Variants in DIAPH2 observed in about 807,000 individuals in gnomAD.
The protein encoded by DIAPH2 is protein diaphanous homolog 2.
A neutral mutation model predicts 92.7 loss-of-function variants in DIAPH2; 35 were observed. The observed-to-expected ratio is 0.38, with a 90% confidence interval of 0.29 to 0.50. The LOEUF is 0.50. Ranked by LOEUF, DIAPH2 falls within the 20% of genes least tolerant of loss-of-function variation. DIAPH2 has a pLI of 0.94. For missense variants in DIAPH2, 701 were observed against 819.5 expected (o/e 0.86, Z 1.77); for synonymous variants, 301 against 280.4 (o/e 1.07, Z -0.73).
At chrX:97,383,813 T>G in intron 24 of DIAPH2, 96 bp from the exon 25 acceptor site, 3 of 769,436 alleles carry the variant, frequency 3.9e-6, no homozygotes, top group Non-Finnish European at 5.3e-6. Context: ...TTTGTTTATA[T>G]GTATAGGAAG....
chrX:97,318,241 C>T (rs886670108), intron 23 of DIAPH2, among the ~76,000 whole-genome samples: 7 of 110,312 alleles, frequency 6.3e-5, no homozygotes, highest in Middle Eastern at 4.7e-3. Flanking sequence ...CAGGTTCAAG[C>T]GATTCTCCTG....
chrX:96,954,130 T>A (rs1300017033), intron 15 of DIAPH2: 1 of 112,097 alleles, frequency 8.9e-6, no homozygotes, highest in Non-Finnish European at 1.9e-5. Context: ...CAGTCGAGCG[T>A]CAAGGCACTG....
chrX:96,962,338 CATATAT>C (rs59386635), intron 16 of DIAPH2, among the ~76,000 whole-genome samples: 1 of 33,472 alleles, frequency 3.0e-5, no homozygotes, highest in African/African-American at 9.3e-5. Context: ...TATATATATA[CATATAT>C]ATATATACAC....
intron 1 of DIAPH2, among the ~76,000 whole-genome samples, chrX:96,731,470 CTTAG>C (rs2064055178): frequency 9.0e-6 from 1 of 111,562 alleles, no homozygotes; most frequent in Admixed American, 9.5e-5. Flanking sequence ...TTATATGCAA[CTTAG>C]TTGTCCAATT....
At chrX:97,003,701 A>G (rs1283521811) in intron 17 of DIAPH2, among the ~76,000 whole-genome samples, 1 of 111,795 alleles carries the variant, frequency 8.9e-6, no homozygotes, top group Non-Finnish European at 1.9e-5. Context: ...TATTCTGGTT[A>G]TTAATCTCTT....
At chrX:97,095,698 T>A (rs1427599153) in intron 19 of DIAPH2, among the ~76,000 whole-genome samples, 2 of 111,080 alleles carry the variant, frequency 1.8e-5, no homozygotes, top group African/African-American at 6.5e-5. Context: ...TAACTAACCT[T>A]TAAGTGTTCA....
intron 23 of DIAPH2, among the ~76,000 whole-genome samples, chrX:97,253,247 C>T (rs2147558005): frequency 9.7e-6 from 1 of 103,556 alleles, no homozygotes; most frequent in East Asian, 3.0e-4. Context: ...GAGATTGCAT[C>T]ATTGCACTCC....
intron 26 of DIAPH2, among the ~76,000 whole-genome samples, chrX:97,551,482 C>T (rs907754941): frequency 5.5e-5 from 6 of 108,407 alleles, no homozygotes; most frequent in East Asian, 5.7e-4. Flanking sequence ...CCCAGCTACT[C>T]GGGAGATTGA....
intron 21 of DIAPH2, among the ~76,000 whole-genome samples, chrX:97,137,903 CGGTTA>C (rs1382044233): frequency 1.8e-5 from 2 of 111,875 alleles, no homozygotes; most frequent in African/African-American, 6.5e-5. Context: ...AACATCTATG[CGGTTA>C]GGTTAAATTA....
intron 23 of DIAPH2, among the ~76,000 whole-genome samples, chrX:97,310,351 CAG>C (rs2068782861): frequency 9.0e-6 from 1 of 111,681 alleles, no homozygotes; most frequent in South Asian, 3.7e-4. Context: ...TAAGGAAAAA[CAG>C]ATGAAATAAA....
At chrX:96,838,164 A>G (rs1297676978) in intron 4 of DIAPH2, among the ~76,000 whole-genome samples, 9 of 112,100 alleles carry the variant, frequency 8.0e-5, no homozygotes, top group African/African-American at 2.9e-4. Flanking sequence ...AAATTTGATG[A>G]ATAAGATGAG....
At chrX:97,429,166 A>T (rs2070100191) in intron 25 of DIAPH2, among the ~76,000 whole-genome samples, 1 of 112,362 alleles carries the variant, frequency 8.9e-6, no homozygotes, top group South Asian at 3.7e-4. Context: ...AATTGAATGC[A>T]AATGTGTTTT....
At chrX:96,772,896 A>G (rs1209181903) in intron 4 of DIAPH2, among the ~76,000 whole-genome samples, 1 of 112,473 alleles carries the variant, frequency 8.9e-6, no homozygotes, top group Non-Finnish European at 1.9e-5. Context: ...ACTGCTTTGT[A>G]TATTTCTGGT....
intron 26 of DIAPH2, among the ~76,000 whole-genome samples, chrX:97,538,826 G>T (rs1214067027): frequency 8.9e-6 from 1 of 111,993 alleles, no homozygotes; most frequent in African/African-American, 3.2e-5. Flanking sequence ...TTCGTTTGTG[G>T]TTGATTTCTA....
intron 4 of DIAPH2, among the ~76,000 whole-genome samples, chrX:96,813,380 A>C (rs1399352636): frequency 9.2e-6 from 1 of 108,116 alleles, no homozygotes; most frequent in African/African-American, 3.4e-5. Context: ...TGCTTGGTAG[A>C]TCTTCCTCTG....
At chrX:96,773,246 C>CCG (rs1491163918) in intron 4 of DIAPH2, among the ~76,000 whole-genome samples, 2 of 83,132 alleles carry the variant, frequency 2.4e-5, no homozygotes, top group African/African-American at 8.0e-5. Flanking sequence ...TTCCCCCCCC[C>CCG]TCCCGCCCTC....
intron 17 of DIAPH2, among the ~76,000 whole-genome samples, chrX:97,021,260 C>T (rs371452026): frequency 1.9e-4 from 21 of 111,387 alleles, no homozygotes; most frequent in South Asian, 7.6e-4. Flanking sequence ...TGCAGTGGCA[C>T]GATTACAGCT....
chrX:97,361,896 T>G (rs2069328796), intron 24 of DIAPH2, among the ~76,000 whole-genome samples: 2 of 111,933 alleles, frequency 1.8e-5, no homozygotes, highest in African/African-American at 6.5e-5. Context: ...CCTAAACTAA[T>G]CACCATCAAG....
intron 26 of DIAPH2, among the ~76,000 whole-genome samples, chrX:97,523,728 T>C (rs1307274230): frequency 1.1e-4 from 12 of 109,995 alleles, no homozygotes; most frequent in African/African-American, 3.9e-4. Flanking sequence ...TTGAAATAGA[T>C]AGCAGCTGTG....
Sources: allele counts gnomAD v4.1 joint callset (sites outside exome capture counted in the v4.1 genomes callset), GRCh38; gene constraint gnomAD v4.1.1; transcripts MANE v1.5; gene names NCBI Gene and HGNC (gene_info 2026-07-23, HGNC 2026-07-21).